RPAP2: variants seen among roughly 807,000 people sequenced by gnomAD.
RPAP2 encodes putative RNA polymerase II subunit B1 CTD phosphatase RPAP2.
A neutral mutation model predicts 73.1 loss-of-function variants in RPAP2; 52 were observed. That is an observed-to-expected ratio of 0.71 (90% CI 0.57 to 0.90). The LOEUF (loss-of-function observed/expected upper bound fraction) is 0.90. Among genes scored for constraint, RPAP2 ranks in the 40% least tolerant of loss-of-function variants. The pLI is 0.00. For missense variants in RPAP2, 598 were observed against 701.8 expected (o/e 0.85, Z 1.67); for synonymous variants, 225 against 242.1 (o/e 0.93, Z 0.65).
intron 3 of RPAP2, among the ~76,000 whole-genome samples, chr1:92,302,945 TC>T (rs1369047063): frequency 6.6e-6 from 1 of 151,330 alleles, no homozygotes; most frequent in African/African-American, 2.4e-5. Flanking sequence ...ATACCTGTAA[TC>T]CCAGCACTTT....
intron 6 of RPAP2, among the ~76,000 whole-genome samples, chr1:92,315,427 C>G (rs573149810): frequency 6.6e-6 from 1 of 152,274 alleles, no homozygotes; most frequent in African/African-American, 2.4e-5. Flanking sequence ...AACTGTGACA[C>G]AGAGAACACA....
intron 5 of RPAP2, among the ~76,000 whole-genome samples, chr1:92,306,207 T>C (rs564690233): frequency 1.8e-4 from 28 of 152,224 alleles, no homozygotes; most frequent in Non-Finnish European, 1.8e-4. Context: ...AGAATGATCA[T>C]CAAGAGAGGT....
intron 11 of RPAP2, among the ~76,000 whole-genome samples, chr1:92,380,116 A>G (rs1281813025): frequency 1.3e-5 from 2 of 151,134 alleles, no homozygotes; most frequent in African/African-American, 2.4e-5. Context: ...CGTCTCTACC[A>G]AAAAAACGAA....
At chr1:92,309,534 TACACAC>T (rs1651453553) in intron 6 of RPAP2, among the ~76,000 whole-genome samples, 1 of 122,062 alleles carries the variant, frequency 8.2e-6, no homozygotes. Context: ...CCTGGCAGGC[TACACAC>T]ATACACATAC....
Position 92,306,604 on chromosome 1 carries a change from A to G in RPAP2, c.400-584A>G, listed in dbSNP as rs150192676. Among the ~76,000 whole-genome samples, 55 of 152,226 alleles carry G rather than the reference A, an allele frequency of 3.6e-4. 1 individual carries two copies. Among genetic ancestry groups the G allele is most frequent in the African/African-American group, 1.2e-3 (51 of 41,548 alleles). On this transcript the variant is annotated intron_variant, in intron 5 of 12. Transcript: ENST00000610020. The stretch of plus-strand genomic sequence containing the variant: ...TGGCTAGGTACGGTGGCTCACACCT[A>G]TAATTCCAGCACTTTGGGAGGCCAG...
Position 92,323,763 on chromosome 1 carries a change from T to G in RPAP2, c.843T>G (p.Ser281Arg). The G allele has an allele frequency of 6.2e-7, 1 of 1,614,074 alleles. No individual in the cohort carries two copies. Among genetic ancestry groups the G allele is most frequent in the Non-Finnish European group, 8.5e-7 (1 of 1,179,994 alleles). ...TEQLGDCKLD[S>R]QEKDATCELP... is the part of the protein sequence containing the mutation. ...AGTTAGGCGATTGCAAATTAGATAG[T>G]CAGGAGAAAGATGCTACATGTGAAC... The change falls in exon 8 of 13, where the codon AGT (serine) becomes AGG (arginine). Residue 281 changes from serine to arginine, a missense_variant. By Grantham distance (110) the Ser-to-Arg change is moderately radical. Transcript: ENST00000610020.
intron 5 of RPAP2, among the ~76,000 whole-genome samples, chr1:92,306,808 A>G (rs1230954529): frequency 4.6e-5 from 7 of 152,234 alleles, no homozygotes; most frequent in Admixed American, 6.5e-5. Context: ...CCTAAAAAAA[A>G]TAAAATTTAA....
At chr1:92,299,168 C>T in intron 1 of RPAP2, 22 bp downstream of exon 1, 1 of 1,426,776 alleles carries the variant, frequency 7.0e-7, no homozygotes, top group Non-Finnish European at 9.4e-7. Flanking sequence ...GATCTCTTCC[C>T]ACTTTTGGAC....
intron 5 of RPAP2, among the ~76,000 whole-genome samples, chr1:92,306,822 G>A (rs1377501896): frequency 6.6e-6 from 1 of 152,082 alleles, no homozygotes; most frequent in African/African-American, 2.4e-5. Context: ...AATTTAATAA[G>A]TGAATGAAGT....
intron 4 of RPAP2, 98 bp from the exon 5 acceptor site, chr1:92,304,186 T>A (rs1287757621): frequency 6.3e-6 from 7 of 1,107,412 alleles, no homozygotes; most frequent in Non-Finnish European, 8.1e-6. Flanking sequence ...AAGGCATGGA[T>A]TGGCCAATGA....
At chr1:92,322,094 C>T (rs1346051432) in intron 7 of RPAP2, among the ~76,000 whole-genome samples, 2 of 150,846 alleles carry the variant, frequency 1.3e-5, no homozygotes, top group African/African-American at 4.9e-5. Context: ...TACAGGCATG[C>T]GCCACCACTC....
At chr1:92,382,456 G>A (rs1203012844) in intron 12 of RPAP2, among the ~76,000 whole-genome samples, 39 of 151,928 alleles carry the variant, frequency 2.6e-4, no homozygotes, top group African/African-American at 7.5e-4. Context: ...TTTAATGATC[G>A]CCATTCTAAC....
intron 10 of RPAP2, among the ~76,000 whole-genome samples, chr1:92,345,644 A>C (rs1653849600): frequency 6.6e-6 from 1 of 152,154 alleles, no homozygotes; most frequent in South Asian, 2.1e-4. Flanking sequence ...GGGCTGGAAC[A>C]CTTCCTTTTG....
chr1:92,361,106 C>G (rs1194144497), intron 11 of RPAP2, among the ~76,000 whole-genome samples: 1 of 54,426 alleles, frequency 1.8e-5, no homozygotes, highest in Non-Finnish European at 3.5e-5. Context: ...TATATATACA[C>G]ACACACACAC....
chr1:92,399,458 G>C lies in RPAP2; in HGVS notation c.*12447G>C, dbSNP rs1412914762. On this transcript the variant is annotated 3_prime_UTR_variant, in exon 13 of 13. Transcript: ENST00000610020. ...AGAGCAATAAAATGAAGTTTTAACAGTGAAAACTTCTATCACTTAGATAAG... is the reference window on the plus strand; with the variant it reads ...AGAGCAATAAAATGAAGTTTTAACACTGAAAACTTCTATCACTTAGATAAG... 1 of 152,132 alleles carries C rather than the reference G, an allele frequency of 6.6e-6. No homozygotes were observed. Among genetic ancestry groups the C allele is most frequent in the Non-Finnish European group, 1.5e-5 (1 of 68,036 alleles). 9.4% of individuals were successfully genotyped at this position (152,132 alleles called of 1,614,324 possible). A position where few individuals can be genotyped will look rare whatever the true frequency, so the allele number is the denominator to read the frequency against.
rs920579093 is a variant in RPAP2, at chr1:92,390,765, C to A, written c.*3754C>A. On this transcript the variant is annotated 3_prime_UTR_variant, in exon 13 of 13. Transcript: ENST00000610020. The stretch of plus-strand genomic sequence containing the variant: ...CAATCCTAGTCTCTGATAAAACAGA[C>A]TTTAAACCAACAAAGATCAAAAGAG... 1 of 152,098 alleles carries A rather than the reference C, an allele frequency of 6.6e-6. No individual in the cohort carries two copies. The highest frequency in any genetic ancestry group is 1.5e-5 in the Non-Finnish European group (1 of 68,022). 9.4% of individuals were successfully genotyped at this position (152,098 alleles called of 1,614,324 possible).
intron 12 of RPAP2, among the ~76,000 whole-genome samples, chr1:92,381,891 G>C (rs1266821055): frequency 2.0e-5 from 3 of 151,494 alleles, no homozygotes; most frequent in African/African-American, 4.9e-5. Flanking sequence ...TTTAACATTA[G>C]GTATATCTCC....
rs1173828411 is a variant in RPAP2 at position 92,328,255 on chromosome 1, A to G, written c.1455+3880A>G. Among the ~76,000 whole-genome samples, 9 of 152,212 alleles carry G rather than the reference A, an allele frequency of 5.9e-5. No individual in the cohort carries two copies. The East Asian group carries it at 1.3e-3, about 23-fold the overall frequency. On this transcript the variant is annotated intron_variant, in intron 8 of 12. Transcript: ENST00000610020. ...ATTATTCCCTCAAATATGTTTTCCAAACTTTTAGATTTCTCTTCTTTCTCA... is the reference window on the plus strand; with the variant it reads ...ATTATTCCCTCAAATATGTTTTCCAGACTTTTAGATTTCTCTTCTTTCTCA...
At chr1:92,366,659 T>C (rs1654948482) in intron 11 of RPAP2, among the ~76,000 whole-genome samples, 1 of 152,222 alleles carries the variant, frequency 6.6e-6, no homozygotes, top group South Asian at 2.1e-4. Flanking sequence ...ATATTAAACA[T>C]GAAATTGTAA....
Sources: gnomAD v4.1 joint callset for allele counts (sites outside exome capture counted in the v4.1 genomes callset) on GRCh38, gnomAD v4.1.1 for gene constraint, MANE v1.5 for transcripts, NCBI Gene and HGNC (gene_info 2026-07-23, HGNC 2026-07-21) for gene names.